DLGAP1: variants seen among roughly 807,000 people sequenced by gnomAD.
DLGAP1 encodes the protein disks large-associated protein 1.
In DLGAP1, 11 loss-of-function variants were observed where a neutral mutation model predicts 90.8. The observed-to-expected ratio is 0.12, with a 90% CI of 0.08 to 0.20. DLGAP1 has a LOEUF of 0.20. DLGAP1 is among the 10% of genes least tolerant of loss of function. The pLI is 1.00. For synonymous variants in DLGAP1, 558 were observed against 540.7 expected (o/e 1.03, Z -0.44); for missense variants, 1,050 against 1,333.8 (o/e 0.79, Z 3.31).
At chr18:4,110,608 A>G (rs891497240) in intron 2 of DLGAP1, among the ~76,000 whole-genome samples, 1 of 152,162 alleles carries the variant, frequency 6.6e-6, no homozygotes, top group Admixed American at 6.5e-5. Context: ...GAGATACTAT[A>G]TTTTGGGGAA....
Position 3,880,125 on chromosome 18 carries a change from C to T in DLGAP1, c.-57G>A. 7.9e-6 allele frequency: 12 copies of T among 1,527,390 alleles called. No homozygotes were observed. Among genetic ancestry groups the T allele is most frequent in the Non-Finnish European group, 1.1e-5 (12 of 1,118,998 alleles). 94.6% of individuals were successfully genotyped at this position (1,527,390 alleles called of 1,614,324 possible). On this transcript the variant is annotated 5_prime_UTR_variant, in exon 4 of 13. Coordinates refer to ENST00000315677, the MANE Select transcript of DLGAP1 (RefSeq NM_004746.4). Reference sequence around the variant, plus strand: ...ACACCCGGAAGTCAGGCTCCAGACCCGTCTTGGGCAGGGATCTGGGGGAAT... The same window carrying T: ...ACACCCGGAAGTCAGGCTCCAGACCTGTCTTGGGCAGGGATCTGGGGGAAT...
intron 2 of DLGAP1, among the ~76,000 whole-genome samples, chr18:4,041,462 T>A (rs1236665169): frequency 6.6e-6 from 1 of 152,178 alleles, no homozygotes; most frequent in Non-Finnish European, 1.5e-5. Flanking sequence ...CCTGGTGTCT[T>A]CTTTAGGTAA....
At chr18:3,717,172 G>A (rs959744102) in intron 7 of DLGAP1, among the ~76,000 whole-genome samples, 1 of 149,830 alleles carries the variant, frequency 6.7e-6, no homozygotes, top group African/African-American at 2.5e-5. Context: ...AAAATAGAAA[G>A]AATATATGTT....
chr18:3,905,366 C>CAAA (rs71160924), intron 3 of DLGAP1, among the ~76,000 whole-genome samples: 5 of 19,816 alleles, frequency 2.5e-4, no homozygotes, highest in East Asian at 1.9e-3. Context: ...GACTCCATCT[C>CAAA]AAAAAAAAAA....
chr18:3,971,518 C>T (rs1003687893), intron 3 of DLGAP1, among the ~76,000 whole-genome samples: 1 of 152,064 alleles, frequency 6.6e-6, no homozygotes, highest in Non-Finnish European at 1.5e-5. Flanking sequence ...TGTATTTTGC[C>T]TATTCTATTC....
intron 2 of DLGAP1, among the ~76,000 whole-genome samples, chr18:4,023,517 GT>G (rs1346290867): frequency 6.6e-6 from 1 of 152,116 alleles, no homozygotes; most frequent in African/African-American, 2.4e-5. Flanking sequence ...TGCATTCAAT[GT>G]TATTATTAAC....
Position 4,227,857 on chromosome 18 carries a change from CA to C in DLGAP1, c.-266-76571del, listed in dbSNP as rs548424063. On this transcript the variant is annotated intron_variant, in intron 1 of 12. Coordinates refer to ENST00000315677, the MANE Select transcript of DLGAP1 (RefSeq NM_004746.4). ...GAAAAAGTAATAATAAAGGTTAGAG[CA>C]AAAATTAATGAAAATGAAATGAAGA... is the stretch of plus-strand genomic sequence containing the variant. Among the ~76,000 whole-genome samples, 174 of 150,620 alleles carry C rather than the reference CA, an allele frequency of 1.2e-3. 1 individual carries two copies. Among genetic ancestry groups the C allele is most frequent in the African/African-American group, 4.0e-3 (165 of 41,208 alleles).
intron 3 of DLGAP1, among the ~76,000 whole-genome samples, chr18:3,958,395 GA>G (rs1489826625): frequency 6.7e-6 from 1 of 149,594 alleles, no homozygotes. Flanking sequence ...GGACTTTGGG[GA>G]CAGTCTCATA....
chr18:3,516,104 G>A (rs562015658), intron 10 of DLGAP1, among the ~76,000 whole-genome samples: 1 of 152,240 alleles, frequency 6.6e-6, no homozygotes, highest in South Asian at 2.1e-4. Flanking sequence ...AGTCATCCAC[G>A]AAGGTTGGAA....
intron 1 of DLGAP1, among the ~76,000 whole-genome samples, chr18:4,225,347 A>G (rs1192859302): frequency 6.6e-6 from 1 of 152,048 alleles, no homozygotes; most frequent in Non-Finnish European, 1.5e-5. Context: ...AAACAAGCCC[A>G]GACTGTGAAA....
At chr18:4,070,303 A>T (rs1291434247) in intron 2 of DLGAP1, among the ~76,000 whole-genome samples, 1 of 151,900 alleles carries the variant, frequency 6.6e-6, no homozygotes, top group East Asian at 1.9e-4. Context: ...TTTTCTACCC[A>T]ACTTTTTTCA....
chr18:3,716,646 T>A (rs1209529975), intron 7 of DLGAP1, among the ~76,000 whole-genome samples: 2 of 152,122 alleles, frequency 1.3e-5, no homozygotes, highest in African/African-American at 4.8e-5. Context: ...TCAAAGATAA[T>A]CACTTTAACA....
At chr18:4,188,653 T>C (rs951247365) in intron 1 of DLGAP1, among the ~76,000 whole-genome samples, 1 of 152,160 alleles carries the variant, frequency 6.6e-6, no homozygotes, top group Admixed American at 6.5e-5. Context: ...ACTCATTCTT[T>C]CTTAAGGCTG....
intron 7 of DLGAP1, among the ~76,000 whole-genome samples, chr18:3,642,617 C>T (rs561959373): frequency 2.6e-5 from 4 of 152,214 alleles, no homozygotes; most frequent in African/African-American, 9.6e-5. Context: ...TTGGTTTTCT[C>T]CTCTACAAAT....
At chr18:4,324,447 A>T (rs2080769757) in intron 1 of DLGAP1, among the ~76,000 whole-genome samples, 1 of 151,980 alleles carries the variant, frequency 6.6e-6, no homozygotes, top group African/African-American at 2.4e-5. Context: ...TATAAACAGG[A>T]GCTGGTGCCA....
chr18:4,187,457 A>T (rs945210250), intron 1 of DLGAP1, among the ~76,000 whole-genome samples: 7 of 152,174 alleles, frequency 4.6e-5, no homozygotes, highest in African/African-American at 1.7e-4. Flanking sequence ...TTTTATACAT[A>T]GATTTTAAGT....
chr18:4,179,682 C>T (rs1278107798), intron 1 of DLGAP1, among the ~76,000 whole-genome samples: 3 of 152,102 alleles, frequency 2.0e-5, no homozygotes, highest in Non-Finnish European at 4.4e-5. Context: ...TCACACATAT[C>T]CTATGTGCTT....
At chr18:4,396,864 T>C (rs914043832) in intron 1 of DLGAP1, among the ~76,000 whole-genome samples, 1 of 152,212 alleles carries the variant, frequency 6.6e-6, no homozygotes, top group African/African-American at 2.4e-5. Flanking sequence ...CAAACCCATA[T>C]TGCATAATGT....
intron 4 of DLGAP1, among the ~76,000 whole-genome samples, chr18:3,842,114 G>C (rs555249727): frequency 2.8e-4 from 42 of 151,746 alleles, no homozygotes; most frequent in Non-Finnish European, 1.3e-4. Context: ...GTTTGGCAGG[G>C]GTGGGGGGTG....
Sources: gnomAD v4.1 joint callset for allele counts (sites outside exome capture counted in the v4.1 genomes callset) on GRCh38, gnomAD v4.1.1 for gene constraint, MANE v1.5 for transcripts, NCBI Gene and HGNC (gene_info 2026-07-23, HGNC 2026-07-21) for gene names.